The following MYO9A variants were observed in gnomAD, a reference collection of about 807,000 sequenced individuals.
MYO9A encodes unconventional myosin-IXa.
A neutral mutation model predicts 293.3 loss-of-function variants in MYO9A; 103 were observed. That is an observed-to-expected ratio of 0.35 (90% confidence interval 0.30 to 0.41). MYO9A has a LOEUF of 0.41. Ranked by LOEUF, MYO9A falls within the 10% of genes least tolerant of loss-of-function variation. The pLI, the probability that MYO9A is intolerant of heterozygous loss-of-function variation, is 1.00. For missense variants in MYO9A, 2,685 were observed against 3,033.0 expected (o/e 0.89, Z 2.69); for synonymous variants, 1,001 against 1,035.7 (o/e 0.97, Z 0.64).
At chr15:71,935,566 T>A (rs1377115514) in intron 16 of MYO9A, 82 bp from the exon 17 acceptor site, 6 of 1,305,694 alleles carry the variant, frequency 4.6e-6, no homozygotes, top group Non-Finnish European at 6.1e-6. Flanking sequence ...AAACTTTAAA[T>A]ACTAAAGTTA....
chr15:72,066,981 ATAAAT>A, intron 1 of MYO9A, among the ~76,000 whole-genome samples: 1 of 150,758 alleles, frequency 6.6e-6, no homozygotes, highest in South Asian at 2.1e-4. Flanking sequence ...ATTCCATATA[ATAAAT>A]GTATTATTAT....
At chr15:72,051,566 G>C (rs576828225) in intron 1 of MYO9A, among the ~76,000 whole-genome samples, 1 of 152,262 alleles carries the variant, frequency 6.6e-6, no homozygotes, top group East Asian at 1.9e-4. Context: ...AGTCCCTGCA[G>C]GCTCAGAGGT....
intron 6 of MYO9A, among the ~76,000 whole-genome samples, chr15:72,018,823 G>GAA (rs2077415461): frequency 6.6e-6 from 1 of 152,104 alleles, no homozygotes; most frequent in Non-Finnish European, 1.5e-5. Context: ...TTAATGACCA[G>GAA]AAAATAGCCC....
chr15:72,087,311 AG>A (rs2079769642), intron 1 of MYO9A, among the ~76,000 whole-genome samples: 1 of 152,150 alleles, frequency 6.6e-6, no homozygotes, highest in Admixed American at 6.5e-5. Flanking sequence ...AAGCCTAGGG[AG>A]ATGGGCATCC....
intron 17 of MYO9A, 168 bp downstream of exon 17, chr15:71,935,173 C>T (rs1339150490): frequency 9.0e-6 from 6 of 664,212 alleles, no homozygotes; most frequent in Non-Finnish European, 1.4e-5. Context: ...ACATGAGATT[C>T]ATGGCTGTAA....
chr15:71,877,620 G>C (rs1327906831), intron 31 of MYO9A, among the ~76,000 whole-genome samples: 1 of 152,058 alleles, frequency 6.6e-6, no homozygotes, highest in Non-Finnish European at 1.5e-5. Flanking sequence ...ATCATGCCCA[G>C]CTAATTTTTG....
At chr15:72,074,279 TAATAA>T (rs990962497) in intron 1 of MYO9A, among the ~76,000 whole-genome samples, 1 of 152,074 alleles carries the variant, frequency 6.6e-6, no homozygotes, top group African/African-American at 2.4e-5. Flanking sequence ...AACAAGAAAC[TAATAA>T]AATACTGAAA....
At position 71,860,880 on chromosome 15, in the gene MYO9A, G is replaced by A. The variant is rs1375714259; in HGVS notation, c.6092-1084C>T. On this transcript the variant is annotated intron_variant, in intron 33 of 41. Coordinates refer to ENST00000356056, the MANE Select transcript of MYO9A (RefSeq NM_006901.4). ...TACTTGGGAGGCTGAGGCAGGACAA[G>A]CACTTAAACCTGGAAGGCGGAGGCT... Among the ~76,000 whole-genome samples, 3 of 143,900 alleles carry A rather than the reference G, an allele frequency of 2.1e-5. No individual in the cohort carries two copies. The East Asian group carries it at 6.3e-4, about 30-fold the overall frequency. 94.4% of individuals were successfully genotyped at this position (143,900 alleles called of 152,430 possible).
In MYO9A at chr15:72,095,111, A is replaced by C. The variant is rs1203045267; in HGVS notation, c.-72+22569T>G. 6.5e-5 allele frequency among the ~76,000 whole-genome samples: 6 copies of C among 92,358 alleles called. 1 individual carries two copies. Among genetic ancestry groups the C allele is most frequent in the African/African-American group, 1.5e-4 (6 of 39,002 alleles). 60.6% of individuals were successfully genotyped at this position (92,358 alleles called of 152,430 possible). A position where few individuals can be genotyped will look rare whatever the true frequency, so the allele number is the denominator to read the frequency against. On this transcript the variant is annotated intron_variant, in intron 1 of 41. Transcript: ENST00000356056. ...GTCAAATGTCTCTCACTTTAAATCA[A>C]AACCTAGAATGATTAGGCTTAGTGA...
chr15:72,025,170 A>G (rs1010700913), intron 4 of MYO9A, among the ~76,000 whole-genome samples: 8 of 152,206 alleles, frequency 5.3e-5, no homozygotes, highest in African/African-American at 1.9e-4. Context: ...TCCAAAAGCA[A>G]GCTAGAGAAT....
At chr15:71,906,523 T>C (rs1217646170) in intron 19 of MYO9A, among the ~76,000 whole-genome samples, 1 of 152,118 alleles carries the variant, frequency 6.6e-6, no homozygotes, top group South Asian at 2.1e-4. Context: ...ACTTGGTAAA[T>C]TGCACCTTTT....
In MYO9A at chr15:71,850,124, A is replaced by G; in HGVS notation, c.6625T>C (p.Leu2209=). 6.2e-7 allele frequency: 1 copy of G among 1,614,136 alleles called. No homozygotes were observed. Among genetic ancestry groups the G allele is most frequent in the Non-Finnish European group, 8.5e-7 (1 of 1,179,980 alleles). ...EDTNRMSANA[L]AIVFAPCILR... Reference sequence around the variant, plus strand: ...ATGCAGGGCGCAAACACAATGGCCAAAGCATTAGCAGACATTCGATTAGTG... The same window carrying G: ...ATGCAGGGCGCAAACACAATGGCCAGAGCATTAGCAGACATTCGATTAGTG... Residue 2209 remains leucine (L), a synonymous_variant, in exon 38 of 42, where the codon TTG becomes CTG. Coordinates refer to ENST00000356056, the MANE Select transcript of MYO9A (RefSeq NM_006901.4).
At chr15:71,854,339 A>T in intron 35 of MYO9A, 38 bp downstream of exon 35, 1 of 1,337,598 alleles carries the variant, frequency 7.5e-7, no homozygotes, top group Non-Finnish European at 9.8e-7. Flanking sequence ...CTATTTAAAT[A>T]AAAGTATTTC....
intron 6 of MYO9A, among the ~76,000 whole-genome samples, chr15:72,015,574 T>C (rs975270518): frequency 6.6e-6 from 1 of 152,048 alleles, no homozygotes; most frequent in African/African-American, 2.4e-5. Flanking sequence ...CTTATGGCAA[T>C]GACCATTAAA....
chr15:72,023,553 GGCA>G (rs1480187710), intron 4 of MYO9A, among the ~76,000 whole-genome samples: 1 of 151,904 alleles, frequency 6.6e-6, no homozygotes, highest in Non-Finnish European at 1.5e-5. Context: ...AAAATAGCTG[GGCA>G]TGGTGGCAGG....
chr15:72,098,780 T>A (rs971804597), intron 1 of MYO9A, among the ~76,000 whole-genome samples: 22 of 151,910 alleles, frequency 1.4e-4, no homozygotes, highest in Non-Finnish European at 2.9e-4. Context: ...GAGACCAGCC[T>A]GGGCAATATA....
At position 72,079,248 on chromosome 15, in the gene MYO9A, C is replaced by CTGCTGCAT. The variant is rs899364004; in HGVS notation, c.-71-32622_-71-32615dup. Among the ~76,000 whole-genome samples, 56 of 152,206 alleles carry CTGCTGCAT rather than the reference C, an allele frequency of 3.7e-4. 1 individual carries two copies. The highest frequency in any genetic ancestry group is 2.9e-3 in the Admixed American group (45 of 15,296). On this transcript the variant is annotated intron_variant, in intron 1 of 41. Coordinates refer to ENST00000356056, the MANE Select transcript of MYO9A (RefSeq NM_006901.4). ...GTGATATCCGGAAACTCCGTATTTTCTGCTGCATTTCACTGTAAACCTAAA... is the reference window on the plus strand; with the variant it reads ...GTGATATCCGGAAACTCCGTATTTTCTGCTGCATTGCTGCATTTCACTGTAAACCTAAA...
intron 19 of MYO9A, among the ~76,000 whole-genome samples, chr15:71,906,775 T>TTC: frequency 7.6e-6 from 1 of 131,802 alleles, no homozygotes; most frequent in African/African-American, 2.9e-5. Context: ...TTTTTTTTTT[T>TTC]TTTCCTGAGA....
intron 1 of MYO9A, among the ~76,000 whole-genome samples, chr15:72,067,394 C>A (rs985701334): frequency 1.3e-5 from 2 of 152,084 alleles, no homozygotes; most frequent in Non-Finnish European, 2.9e-5. Context: ...ACTGTAACCT[C>A]CGCCTCAGCC....
Sources: allele counts gnomAD v4.1 joint callset (sites outside exome capture counted in the v4.1 genomes callset), GRCh38; gene constraint gnomAD v4.1.1; transcripts MANE v1.5; gene names NCBI Gene and HGNC (gene_info 2026-07-23, HGNC 2026-07-21).